LRRC66: variants seen among roughly 807,000 people sequenced by gnomAD.
LRRC66 encodes the protein leucine-rich repeat-containing protein 66.
LRRC66 carries 29 observed loss-of-function variants against 24.6 expected under a neutral mutation model. The observed-to-expected ratio is 1.18, with a 90% CI of 0.88 to 1.61. LRRC66 has a LOEUF of 1.61. Among genes scored for constraint, LRRC66 ranks in the 40% most tolerant of loss-of-function variants. The pLI, the probability that LRRC66 is intolerant of heterozygous loss-of-function variation, is 0.00. For missense variants in LRRC66, 1,124 were observed against 1,058.0 expected, an observed-to-expected ratio of 1.06 and a Z score of -0.87; for synonymous variants, 411 against 397.6, an observed-to-expected ratio of 1.03 and a Z score of -0.40.
chr4:52,017,155 G>A lies in LRRC66; in HGVS notation c.459C>T (p.Leu153=), dbSNP rs1180495353. ...FRNRFPLLKV[L]ILQRNKLSDT... ...CACTGAGTTTATTTCTTTGAAGAAT[G>A]AGCACCTTCAGCAATGGAAACCTGT... Residue 153 remains leucine, a synonymous_variant, in exon 2 of 5, where the codon CTC becomes CTT. Transcript: ENST00000682860. The A allele has an allele frequency of 6.2e-7, 1 of 1,613,798 alleles. No individual in the cohort carries two copies. Among genetic ancestry groups the A allele is most frequent in the Non-Finnish European group, 8.5e-7 (1 of 1,179,938 alleles).
At chr4:52,018,167 T>C in intron 1 of LRRC66, 1 of 985,426 alleles carries the variant, frequency 1.0e-6, no homozygotes, top group Non-Finnish European at 1.2e-6. Context: ...GCTGTGTGGC[T>C]TGTGTGACTT....
rs775652893 is a variant in LRRC66 at position 52,017,387 on chromosome 4, A to T, written c.227T>A (p.Leu76Ter). 8.1e-6 allele frequency: 13 copies of T among 1,614,044 alleles called. No homozygotes were observed. The highest frequency in any genetic ancestry group is 1.7e-5 in the Admixed American group (1 of 60,004). The stretch of plus-strand genomic sequence containing the variant: ...CTCTTCTTTTTTCGTGTGAGACTGT[A>T]AGAGAACTCTAAAGAAATTGAAACT... ...DVSFNFFRVL[L>*]QSHTKKEEWK... is the part of the protein sequence containing the mutation. The change falls in exon 2 of 5, where the codon TTA (leucine) becomes TAA (stop). Residue 76 changes from leucine to a stop codon, truncating the protein, a stop_gained. Transcript: ENST00000682860. LOFTEE classifies it high-confidence loss of function.
At chr4:52,018,906 C>T (rs1312799698) in intron 1 of LRRC66, among the ~76,000 whole-genome samples, 4 of 152,160 alleles carry the variant, frequency 2.6e-5, no homozygotes, top group Admixed American at 1.3e-4. Context: ...GATGGAGTTT[C>T]GCTCTTGTTA....
rs769522575 is a variant in LRRC66, at chr4:51,995,923, T to C, written c.1099A>G (p.Lys367Glu). 3.7e-6 allele frequency: 6 copies of C among 1,614,024 alleles called. No individual in the cohort carries two copies. Among genetic ancestry groups the C allele is most frequent in the Non-Finnish European group, 5.1e-6 (6 of 1,180,030 alleles). Residue 367 changes from lysine to glutamate, a missense_variant, in exon 5 of 5, where the codon AAA becomes GAA. Lys to Glu is a moderately conservative substitution (Grantham distance 56). Coordinates refer to ENST00000682860, the MANE Select transcript of LRRC66 (RefSeq NM_001024611.3). ...AGGTCCTGGGGAGCGTCCTCTTTTT[T>C]GCCGGCAGCCTGCACATCGCGGGTG... ...RSTRDVQAAGKKEDAPQDLAL... is the reference protein window; with the variant it reads ...RSTRDVQAAGEKEDAPQDLAL...
rs1382654626 is a variant in LRRC66 at position 51,995,210 on chromosome 4, CT to C, written c.1811del (p.Lys604ArgfsTer23). ...GTGACTGTTCAGTGCCCCCTCTTTC[CT>C]TACTATCTCCAGTCCTCTGTGCTTC... Reference protein sequence around the residue: ...HAEAQRTGDSKERGGTEQSLW... With the variant: ...HAEAQRTGDSXERGGTEQSLW... On this transcript the variant is annotated frameshift_variant, in exon 5 of 5. Transcript: ENST00000682860. LOFTEE classifies it low-confidence loss of function (END_TRUNC). 1 of 1,614,212 alleles carries C rather than the reference CT, an allele frequency of 6.2e-7. No individual in the cohort carries two copies. Among genetic ancestry groups the C allele is most frequent in the Middle Eastern group, 1.6e-4 (1 of 6,062 alleles).
chr4:52,012,208 G>A (rs1736721451), intron 2 of LRRC66, among the ~76,000 whole-genome samples: 1 of 151,834 alleles, frequency 6.6e-6, no homozygotes, highest in African/African-American at 2.4e-5. Context: ...AAAAAAAGGA[G>A]TAAATAAAAA....
chr4:52,017,296 T>C lies in LRRC66; in HGVS notation c.318A>G (p.Ala106=). The change falls in exon 2 of 5, where the codon GCA becomes GCG. Residue 106 remains alanine, a synonymous_variant. Transcript: ENST00000682860. ...TTAACACTTCCAAAGCATGTAAATA[T>C]GCAAAAGGGCTTAAGGTTATTTTTG... is the stretch of plus-strand genomic sequence containing the variant. ...LISKITLSPF[A]YLHALEVLNL... 1 of 1,614,180 alleles carries C rather than the reference T, an allele frequency of 6.2e-7. No individual in the cohort carries two copies. The highest frequency in any genetic ancestry group is 8.5e-7 in the Non-Finnish European group (1 of 1,180,004).
rs759368471 is a variant in LRRC66, at chr4:51,995,056, C to T, written c.1966G>A (p.Val656Ile). The change falls in exon 5 of 5, where the codon GTT becomes ATT. Residue 656 changes from valine to isoleucine, a missense_variant. Transcript: ENST00000682860. Reference sequence around the variant, plus strand: ...GTGTCTCTTGGGTCACCGTATGGAACCTCGCTGTAGTGGGCTGAAAGCGCT... The same window carrying T: ...GTGTCTCTTGGGTCACCGTATGGAATCTCGCTGTAGTGGGCTGAAAGCGCT... ...EEALSAHYSE[V>I]PYGDPRDTGP... is the part of the protein sequence containing the mutation. The T allele has an allele frequency of 9.3e-6, 15 of 1,614,038 alleles. No individual in the cohort carries two copies. The highest frequency in any genetic ancestry group is 1.7e-5 in the Admixed American group (1 of 60,004).
chr4:51,994,348 G>A lies in LRRC66; in HGVS notation c.*31C>T. ...ATGATCTTTAAAAGAATATTGTTTA[G>A]AGCTGTGAATATTTCCTTAATGAAA... is the stretch of plus-strand genomic sequence containing the variant. On this transcript the variant is annotated 3_prime_UTR_variant, in exon 5 of 5. Transcript: ENST00000682860. 1 of 1,555,852 alleles carries A rather than the reference G, an allele frequency of 6.4e-7. No homozygotes were observed. Among genetic ancestry groups the A allele is most frequent in the Non-Finnish European group, 8.7e-7 (1 of 1,143,842 alleles).
rs1419220900 is a variant in LRRC66, at chr4:51,994,591, T to A, written c.2431A>T (p.Asn811Tyr). The A allele has an allele frequency of 6.2e-7, 1 of 1,614,202 alleles. No individual in the cohort carries two copies. The highest frequency in any genetic ancestry group is 1.3e-5 in the African/African-American group (1 of 75,066). Residue 811 changes from asparagine (N) to tyrosine (Y), a missense_variant, in exon 5 of 5, where the codon AAT (asparagine) becomes TAT (tyrosine). Transcript: ENST00000682860. ...GGAAACTCATCCCCTAAGGGACTAT[T>A]CCCTGGTGACCTGGGCCAGGGTGAC... ...GLSPWPRSPG[N>Y]SPLGDEFPGM...
intron 3 of LRRC66, among the ~76,000 whole-genome samples, chr4:52,000,319 G>T (rs1468679690): frequency 1.3e-5 from 2 of 152,114 alleles, no homozygotes; most frequent in Non-Finnish European, 2.9e-5. Context: ...AACAGATGAA[G>T]GGCAAATTAC....
Position 51,994,894 on chromosome 4 carries a change from G to A in LRRC66, c.2128C>T (p.Leu710=). 4 of 1,614,108 alleles carry A rather than the reference G, an allele frequency of 2.5e-6. No individual in the cohort carries two copies. The highest frequency in any genetic ancestry group is 2.2e-5 in the East Asian group (1 of 44,856). ...ESDCDSDEGS[L]FTLSSISSES... Reference sequence around the variant, plus strand: ...GAACTTATGGAGCTCAGAGTGAACAGAGACCCCTCATCAGAGTCACAGTCA... The same window carrying A: ...GAACTTATGGAGCTCAGAGTGAACAAAGACCCCTCATCAGAGTCACAGTCA... The change falls in exon 5 of 5, where the codon CTG becomes TTG. Residue 710 remains leucine (L), a synonymous_variant. Transcript: ENST00000682860.
Position 51,994,317 on chromosome 4 carries a change from C to T in LRRC66, c.*62G>A. On this transcript the variant is annotated 3_prime_UTR_variant, in exon 5 of 5. Transcript: ENST00000682860. The stretch of plus-strand genomic sequence containing the variant: ...CTTGTTGTGAAGGCTTTAGTTTTCC[C>T]CTGCCATGATCTTTAAAAGAATATT... 1.4e-6 allele frequency: 2 copies of T among 1,449,056 alleles called. No homozygotes were observed. The highest frequency in any genetic ancestry group is 1.9e-6 in the Non-Finnish European group (2 of 1,075,564). 89.8% of individuals were successfully genotyped at this position (1,449,056 alleles called of 1,614,324 possible).
chr4:52,008,503 A>G (rs182765225), intron 2 of LRRC66, among the ~76,000 whole-genome samples: 164 of 152,124 alleles, frequency 1.1e-3, no homozygotes, highest in Middle Eastern at 3.4e-3. Flanking sequence ...AAATATTAAT[A>G]TATTTGATTG....
chr4:52,005,970 C>T (rs1202348705), intron 2 of LRRC66, among the ~76,000 whole-genome samples: 1 of 152,164 alleles, frequency 6.6e-6, no homozygotes, highest in Non-Finnish European at 1.5e-5. Context: ...AGAAAAAATG[C>T]AAAATAAGAC....
chr4:52,016,260 C>T (rs930579712), intron 2 of LRRC66, among the ~76,000 whole-genome samples: 4 of 152,004 alleles, frequency 2.6e-5, no homozygotes, highest in African/African-American at 9.7e-5. Flanking sequence ...CATGAAATGT[C>T]AGAACTGGAT....
At chr4:52,013,862 T>C (rs1290146772) in intron 2 of LRRC66, among the ~76,000 whole-genome samples, 1 of 152,258 alleles carries the variant, frequency 6.6e-6, no homozygotes, top group Non-Finnish European at 1.5e-5. Context: ...TTTATTATTA[T>C]TTTAGATGAA....
chr4:52,005,056 A>T (rs1312787241), intron 2 of LRRC66, among the ~76,000 whole-genome samples: 1 of 152,228 alleles, frequency 6.6e-6, no homozygotes, highest in Non-Finnish European at 1.5e-5. Context: ...AAGTCCCTTC[A>T]GGGCAGAATT....
chr4:52,006,618 G>A, intron 2 of LRRC66, among the ~76,000 whole-genome samples: 1 of 148,158 alleles, frequency 6.7e-6, no homozygotes, highest in Non-Finnish European at 1.5e-5. Context: ...GAGTTAGTGG[G>A]TGCAGCGCAC....
Sources: gnomAD v4.1 joint callset for allele counts (sites outside exome capture counted in the v4.1 genomes callset) on GRCh38, gnomAD v4.1.1 for gene constraint, MANE v1.5 for transcripts, NCBI Gene and HGNC (gene_info 2026-07-23, HGNC 2026-07-21) for gene names.